CPNE3: variants seen among roughly 807,000 people sequenced by gnomAD.
The protein encoded by CPNE3 is copine-3.
A neutral mutation model predicts 63.9 loss-of-function variants in CPNE3; 68 were observed. That is an observed-to-expected ratio of 1.06 (90% CI 0.87 to 1.30). The LOEUF is 1.30. Ranked by LOEUF, CPNE3 falls within the 50% of genes most tolerant of loss-of-function variation. The pLI is 0.00. For synonymous variants in CPNE3, 219 were observed against 197.5 expected (o/e 1.11, Z -0.91); for missense variants, 665 against 578.1 (o/e 1.15, Z -1.54).
rs935832619 is a variant in CPNE3, at chr8:86,531,342, A to G, written c.387+113A>G. On this transcript the variant is annotated intron_variant, in intron 5 of 16. Transcript: ENST00000517490. ...GCCATGCTTTGTCACTCAATCTTGA[A>G]TGTTGCATTCCATCCACCCATGTCT... The G allele has an allele frequency of 7.3e-5, 50 of 689,598 alleles. No homozygotes were observed. In the African/African-American group the frequency reaches 7.7e-4, roughly 11 times the overall value. The allele number at this position is 689,598 out of a possible 1,614,324, so 42.7% of individuals were successfully genotyped here.
chr8:86,552,604 G>A (rs927887493), intron 14 of CPNE3, among the ~76,000 whole-genome samples: 7 of 151,830 alleles, frequency 4.6e-5, no homozygotes, highest in Non-Finnish European at 7.4e-5. Flanking sequence ...AAAAGCATCA[G>A]TTTGGTTTTA....
intron 11 of CPNE3, 63 bp downstream of exon 11, chr8:86,547,833 T>C: frequency 2.5e-6 from 2 of 812,688 alleles, no homozygotes; most frequent in Admixed American, 2.0e-5. Context: ...ATATTTTCTT[T>C]CACTGCAAAA....
intron 12 of CPNE3, among the ~76,000 whole-genome samples, chr8:86,550,193 A>G (rs1383534444): frequency 6.6e-6 from 1 of 152,234 alleles, no homozygotes; most frequent in Admixed American, 6.5e-5. Context: ...ATTAAAAACT[A>G]TGAAAAGAAA....
rs751521587 is a variant in CPNE3 at position 86,558,291 on chromosome 8, C to T, written c.1495C>T (p.Pro499Ser). Residue 499 changes from proline (P) to serine (S), a missense_variant, in exon 17 of 17, where the codon CCA becomes TCA. Transcript: ENST00000517490. The part of the protein sequence containing the change: ...FVPFRQFQNA[P>S]KEALAQCVLA... ...CTTTTATTTTGTTTTTCACAAGGCT[C>T]CAAAAGAAGCACTTGCTCAGTGTGT... is the stretch of plus-strand genomic sequence containing the variant. The T allele has an allele frequency of 2.3e-5, 20 of 872,760 alleles. No individual in the cohort carries two copies. The highest frequency in any genetic ancestry group is 5.1e-5 in the Admixed American group (3 of 59,166). 54.1% of individuals were successfully genotyped at this position (872,760 alleles called of 1,614,324 possible).
intron 6 of CPNE3, among the ~76,000 whole-genome samples, chr8:86,537,304 T>C (rs1180787806): frequency 2.0e-5 from 3 of 152,196 alleles, no homozygotes; most frequent in Non-Finnish European, 4.4e-5. Context: ...GACCACTGTA[T>C]TTTAAAACTG....
At chr8:86,553,430 G>C (rs761464323) in intron 14 of CPNE3, among the ~76,000 whole-genome samples, 3 of 152,156 alleles carry the variant, frequency 2.0e-5, no homozygotes, top group Non-Finnish European at 4.4e-5. Context: ...CCACATGTAT[G>C]ACAGTAGGCC....
intron 6 of CPNE3, among the ~76,000 whole-genome samples, chr8:86,536,672 T>C (rs1820809969): frequency 6.6e-6 from 1 of 152,138 alleles, no homozygotes; most frequent in Admixed American, 6.6e-5. Flanking sequence ...TATATTCCTG[T>C]GGGATTAACA....
At chr8:86,551,968 G>A (rs561439717) in intron 14 of CPNE3, among the ~76,000 whole-genome samples, 33 of 152,280 alleles carry the variant, frequency 2.2e-4, no homozygotes, top group Non-Finnish European at 3.4e-4. Flanking sequence ...GCCCAGCCAC[G>A]TTTTACTTTT....
chr8:86,516,582 A>T (rs1820316279), intron 2 of CPNE3, among the ~76,000 whole-genome samples: 1 of 151,978 alleles, frequency 6.6e-6, no homozygotes, highest in Admixed American at 6.6e-5. Flanking sequence ...TAAAGATGAG[A>T]TCTTACTATG....
chr8:86,522,309 A>G (rs1360299029), intron 2 of CPNE3, among the ~76,000 whole-genome samples: 3 of 152,052 alleles, frequency 2.0e-5, no homozygotes, highest in East Asian at 3.9e-4. Flanking sequence ...GCCTCCCCCA[A>G]CCCTCACTTT....
At position 86,556,226 on chromosome 8, in the gene CPNE3, A is replaced by C; in HGVS notation, c.1379A>C (p.Asp460Ala). 1.1e-6 allele frequency: 1 copy of C among 873,024 alleles called. No individual in the cohort carries two copies. Among genetic ancestry groups the C allele is most frequent in the South Asian group, 1.3e-5 (1 of 76,546 alleles). The allele number at this position is 873,024 out of a possible 1,614,324, so 54.1% of individuals were successfully genotyped here. A position where few individuals can be genotyped will look rare whatever the true frequency, so the allele number is the denominator to read the frequency against. Residue 460 changes from aspartate to alanine, a missense_variant, in exon 16 of 17, where the codon GAC becomes GCC. By Grantham distance (126) the Asp-to-Ala change is moderately radical. Transcript: ENST00000517490. The part of the protein sequence containing the change: ...SIIIVGVGGA[D>A]FSAMEFLDGD... ...ATAATTGTTGGAGTTGGAGGTGCTG[A>C]CTTCAGCGCCATGGAGTTTCTGGAT...
chr8:86,552,962 G>GCCCCC (rs1173984951), intron 14 of CPNE3, among the ~76,000 whole-genome samples: 2 of 3,510 alleles, frequency 5.7e-4, no homozygotes, highest in African/African-American at 1.0e-3. Flanking sequence ...GCCACAGCCC[G>GCCCCC]CCCCCCCCCC....
At chr8:86,520,567 G>A (rs1820413256) in intron 2 of CPNE3, among the ~76,000 whole-genome samples, 1 of 146,298 alleles carries the variant, frequency 6.8e-6, no homozygotes, top group Non-Finnish European at 1.5e-5. Flanking sequence ...AAAAAAAAAA[G>A]ATTTAACAGC....
intron 16 of CPNE3, among the ~76,000 whole-genome samples, chr8:86,556,625 A>C (rs1821332503): frequency 6.6e-6 from 1 of 152,216 alleles, no homozygotes; most frequent in Non-Finnish European, 1.5e-5. Context: ...ACTGTATGCC[A>C]AATCCCCCTC....
intron 10 of CPNE3, 59 bp from the exon 11 acceptor site, chr8:86,547,651 GT>G (rs3217490): frequency 0.067 from 51,919 of 774,136 alleles, 3,262 homozygotes; most frequent in Admixed American, 0.23. Flanking sequence ...ATGCCAAAGA[GT>G]TTTTTGCTTC....
intron 2 of CPNE3, among the ~76,000 whole-genome samples, chr8:86,519,858 T>C (rs1467187407): frequency 1.3e-5 from 2 of 152,054 alleles, no homozygotes; most frequent in Admixed American, 1.3e-4. Context: ...GGATTACAGG[T>C]GGGCGCCATC....
intron 14 of CPNE3, among the ~76,000 whole-genome samples, chr8:86,553,414 G>A (rs1252196573): frequency 1.3e-5 from 2 of 152,120 alleles, no homozygotes; most frequent in Admixed American, 6.5e-5. Context: ...TTTAGTCAAG[G>A]ACAGACCACA....
At chr8:86,556,062 G>T (rs568411681) in intron 15 of CPNE3, 40 bp from the exon 16 acceptor site, 62 of 858,460 alleles carry the variant, frequency 7.2e-5, no homozygotes, top group South Asian at 2.8e-4. Flanking sequence ...ATTAGCCATT[G>T]CTTGACTTGC....
At position 86,551,055 on chromosome 8, in the gene CPNE3, G is replaced by A. The variant is rs145076903; in HGVS notation, c.1023G>A (p.Met341Ile). ...LVIQDYDADK[M>I]FPAFGFGAQI... Reference sequence around the variant, plus strand: ...ATTTTTTTCTTTTTAGTGATAAGATGTTTCCAGCTTTTGGTTTTGGCGCTC... The same window carrying A: ...ATTTTTTTCTTTTTAGTGATAAGATATTTCCAGCTTTTGGTTTTGGCGCTC... The change falls in exon 13 of 17, where the codon ATG (methionine) becomes ATA (isoleucine). Residue 341 changes from methionine to isoleucine, a missense_variant. Physicochemically the swap from Met to Ile is conservative, Grantham distance 10. Transcript: ENST00000517490. 16 of 1,606,846 alleles carry A rather than the reference G, an allele frequency of 1.0e-5. No homozygotes were observed. Among genetic ancestry groups the A allele is most frequent in the African/African-American group, 2.7e-5 (2 of 74,796 alleles).
Sources: allele counts gnomAD v4.1 joint callset (sites outside exome capture counted in the v4.1 genomes callset), GRCh38; gene constraint gnomAD v4.1.1; transcripts MANE v1.5; gene names NCBI Gene and HGNC (gene_info 2026-07-23, HGNC 2026-07-21).